Variants in ANO3 observed in about 807,000 individuals in gnomAD.
ANO3 encodes anoctamin 3.
ANO3 carries 99 observed loss-of-function variants against 144.8 expected under a neutral mutation model. The observed-to-expected ratio is 0.68, with a 90% CI of 0.58 to 0.81. The LOEUF (loss-of-function observed/expected upper bound fraction) is 0.81, where lower values mean the gene tolerates loss of function less well. Ranked by LOEUF, ANO3 falls within the 30% of genes least tolerant of loss-of-function variation. The pLI is 0.00. For missense variants in ANO3, 905 were observed against 1,202.2 expected, an observed-to-expected ratio of 0.75 and a Z score of 3.66; for synonymous variants, 414 against 392.6, an observed-to-expected ratio of 1.05 and a Z score of -0.64.
intron 4 of ANO3, among the ~76,000 whole-genome samples, chr11:26,482,537 A>T (rs1022380950): frequency 6.6e-6 from 1 of 151,476 alleles, no homozygotes; most frequent in African/African-American, 2.4e-5. Context: ...GTGTAAGGGA[A>T]ATTCATAATA....
intron 17 of ANO3, among the ~76,000 whole-genome samples, chr11:26,615,419 T>A (rs1458232287): frequency 2.4e-4 from 34 of 139,846 alleles, no homozygotes; most frequent in South Asian, 2.1e-3. Flanking sequence ...TATATATTTT[T>A]TTTTTTTCAG....
intron 18 of ANO3, among the ~76,000 whole-genome samples, chr11:26,628,937 A>G (rs1043615186): frequency 1.3e-5 from 2 of 152,164 alleles, no homozygotes; most frequent in African/African-American, 2.4e-5. Flanking sequence ...TTACATGTCA[A>G]CTGGCTTCCA....
At chr11:26,458,819 A>C (rs1859262037) in intron 3 of ANO3, among the ~76,000 whole-genome samples, 1 of 152,174 alleles carries the variant, frequency 6.6e-6, no homozygotes, top group African/African-American at 2.4e-5. Flanking sequence ...TAACATTTAT[A>C]CATATAAATG....
intron 1 of ANO3, among the ~76,000 whole-genome samples, chr11:26,390,780 C>T (rs938380578): frequency 2.0e-5 from 3 of 152,062 alleles, no homozygotes; most frequent in African/African-American, 4.8e-5. Flanking sequence ...ACAAGCAAGA[C>T]TTGTGGGAAG....
chr11:26,438,994 A>T (rs1003517790), intron 1 of ANO3, among the ~76,000 whole-genome samples: 2 of 151,678 alleles, frequency 1.3e-5, no homozygotes, highest in Non-Finnish European at 2.9e-5. Context: ...GGACATATAG[A>T]TTGGTGGGTT....
chr11:26,466,846 G>A (rs754520583), intron 4 of ANO3, among the ~76,000 whole-genome samples: 1 of 151,844 alleles, frequency 6.6e-6, no homozygotes, highest in Non-Finnish European at 1.5e-5. Context: ...ACCAATGATT[G>A]TTAATATGAA....
chr11:26,272,692 A>T (rs1033111463), intron 1 of ANO3, among the ~76,000 whole-genome samples: 5 of 152,194 alleles, frequency 3.3e-5, no homozygotes, highest in Non-Finnish European at 5.9e-5. Flanking sequence ...AGGATCCCAG[A>T]TGCCATTAAG....
At chr11:26,441,107 T>TTTTG (rs1491130930) in intron 1 of ANO3, among the ~76,000 whole-genome samples, 2 of 64,846 alleles carry the variant, frequency 3.1e-5, no homozygotes, top group East Asian at 7.3e-4. Context: ...TGCTGCCCAG[T>TTTTG]TTTTTTTTTT....
intron 5 of ANO3, among the ~76,000 whole-genome samples, chr11:26,509,139 C>T (rs1470473632): frequency 1.3e-5 from 2 of 151,294 alleles, no homozygotes; most frequent in Non-Finnish European, 2.9e-5. Context: ...GCTGTTCACT[C>T]TTGTCATTTA....
intron 1 of ANO3, among the ~76,000 whole-genome samples, chr11:26,273,675 A>ACAC (rs1853497510): frequency 7.5e-6 from 1 of 132,872 alleles, no homozygotes; most frequent in Non-Finnish European, 1.7e-5. Context: ...CACACACACA[A>ACAC]ATTCTGTCGG....
intron 24 of ANO3, among the ~76,000 whole-genome samples, chr11:26,653,044 A>G (rs2133087992): frequency 6.6e-6 from 1 of 152,302 alleles, no homozygotes; most frequent in South Asian, 2.1e-4. Context: ...TTAGTTTTGG[A>G]GTTCCCCAAG....
chr11:26,539,377 A>C (rs540598180), intron 10 of ANO3, among the ~76,000 whole-genome samples: 138 of 152,238 alleles, frequency 9.1e-4, no homozygotes, highest in African/African-American at 3.3e-3. Flanking sequence ...AGCCCATTGC[A>C]TGTCACTATC....
chr11:26,565,544 G>T, intron 14 of ANO3: 1 of 1,613,330 alleles, frequency 6.2e-7, no homozygotes, highest in Non-Finnish European at 8.5e-7. Flanking sequence ...TTGTGGAAAT[G>T]GTAGATGTGG....
intron 1 of ANO3, among the ~76,000 whole-genome samples, chr11:26,386,563 T>C (rs1343811203): frequency 6.6e-6 from 1 of 152,236 alleles, no homozygotes; most frequent in African/African-American, 2.4e-5. Context: ...CGCATCACCA[T>C]GTTGCAATGG....
intron 5 of ANO3, 106 bp downstream of exon 5, chr11:26,508,368 A>G: frequency 9.7e-7 from 1 of 1,033,628 alleles, no homozygotes; most frequent in Non-Finnish European, 1.4e-6. Flanking sequence ...TATAAAATAC[A>G]TAGTTTTTTT....
chr11:26,403,719 T>C (rs1297891336), intron 1 of ANO3, among the ~76,000 whole-genome samples: 2 of 151,844 alleles, frequency 1.3e-5, no homozygotes. Flanking sequence ...GTCTACAAGC[T>C]CCTACACTAT....
intron 14 of ANO3, among the ~76,000 whole-genome samples, chr11:26,588,958 T>C (rs534710818): frequency 1.8e-4 from 28 of 152,338 alleles, no homozygotes; most frequent in Non-Finnish European, 3.4e-4. Context: ...ACAATAATTT[T>C]CGGCTGTTTT....
At chr11:26,619,736 G>A (rs1353289406) in intron 17 of ANO3, among the ~76,000 whole-genome samples, 1 of 152,136 alleles carries the variant, frequency 6.6e-6, no homozygotes, top group Non-Finnish European at 1.5e-5. Context: ...CAAAGTGCTG[G>A]GATTACAGGC....
intron 1 of ANO3, among the ~76,000 whole-genome samples, chr11:26,292,389 C>G (rs900821648): frequency 6.6e-6 from 1 of 152,000 alleles, no homozygotes; most frequent in Non-Finnish European, 1.5e-5. Flanking sequence ...TTGTTATTAC[C>G]AATCTTCTGA....
Sources: allele counts gnomAD v4.1 joint callset (sites outside exome capture counted in the v4.1 genomes callset), GRCh38; gene constraint gnomAD v4.1.1; transcripts MANE v1.5; gene names NCBI Gene and HGNC (gene_info 2026-07-23, HGNC 2026-07-21).